The following SCNN1D variants were observed in gnomAD, a reference collection of about 807,000 sequenced individuals.
SCNN1D encodes sodium channel epithelial 1 subunit delta.
A neutral mutation model predicts 87.8 loss-of-function variants in SCNN1D; 104 were observed. The observed-to-expected ratio is 1.18, with a 90% CI of 1.01 to 1.39. The LOEUF is 1.39. Among genes scored for constraint, SCNN1D ranks in the 40% most tolerant of loss-of-function variants. SCNN1D has a pLI of 0.00. For synonymous variants in SCNN1D, 628 were observed against 481.2 expected, an observed-to-expected ratio of 1.31 and a Z score of -3.99; for missense variants, 1,324 against 1,093.9, an observed-to-expected ratio of 1.21 and a Z score of -2.97.
Position 1,284,017 on chromosome 1 carries a change from C to A in SCNN1D, c.391C>A (p.Pro131Thr). The A allele has an allele frequency of 7.0e-7, 1 of 1,435,400 alleles. No homozygotes were observed. Among genetic ancestry groups the A allele is most frequent in the Middle Eastern group, 1.8e-4 (1 of 5,700 alleles). The allele number at this position is 1,435,400 out of a possible 1,614,324, so 88.9% of individuals were successfully genotyped here. A position where few individuals can be genotyped will look rare whatever the true frequency, so the allele number is the denominator to read the frequency against. Residue 131 changes from proline to threonine, a missense_variant, in exon 5 of 18, where the codon CCC (proline) becomes ACC (threonine). Transcript: ENST00000379116. The part of the protein sequence containing the change: ...GSILLQSCQL[P>T]PQWLSTEAWT... Reference sequence around the variant, plus strand: ...CATCCTGCTTCAGAGCTGCCAGCTGCCCCCGCAATGGCTGAGCACCGAAGC... The same window carrying A: ...CATCCTGCTTCAGAGCTGCCAGCTGACCCCGCAATGGCTGAGCACCGAAGC...
Position 1,291,117 on chromosome 1 carries a change from G to GT in SCNN1D, c.2030dup (p.Glu678GlyfsTer88). On this transcript the variant is annotated frameshift_variant, in exon 17 of 18. Coordinates refer to ENST00000379116, the MANE Select transcript of SCNN1D (RefSeq NM_001130413.4). LOFTEE classifies it low-confidence loss of function (END_TRUNC). The stretch of plus-strand genomic sequence containing the variant: ...CTACCAGGAGCTCAACTACCGCTCA[G>GT]TGGAGGAGGCGCCCGTGTACTCGGT... 1 of 1,612,290 alleles carries GT rather than the reference G, an allele frequency of 6.2e-7. No individual in the cohort carries two copies.
At chr1:1,286,656 C>T (rs1640597882) in intron 7 of SCNN1D, 112 bp from the exon 8 acceptor site, 1 of 1,054,298 alleles carries the variant, frequency 9.5e-7, no homozygotes, top group Admixed American at 2.3e-5. Flanking sequence ...GCTCACCCCA[C>T]TGGGCGTCCC....
At chr1:1,285,796 C>T (rs1640575383) in intron 6 of SCNN1D, 130 bp from the exon 7 acceptor site, 3 of 1,190,544 alleles carry the variant, frequency 2.5e-6, no homozygotes, top group African/African-American at 1.6e-5. Flanking sequence ...TCAGAGCACC[C>T]TGGGAGGGGC....
chr1:1,283,924 G>C (rs1640518469), intron 4 of SCNN1D, 54 bp from the exon 5 acceptor site: 1 of 1,082,558 alleles, frequency 9.2e-7, no homozygotes, highest in East Asian at 3.5e-5. Context: ...GCCCTGGCTG[G>C]GTCCTCCCTC....
chr1:1,287,277 G>A lies in SCNN1D; in HGVS notation c.1288G>A (p.Asp430Asn), dbSNP rs140170231. The A allele has an allele frequency of 1.8e-3, 2,902 of 1,602,150 alleles. 9 individuals are homozygous for A. Among genetic ancestry groups the A allele is most frequent in the Middle Eastern group, 5.3e-3 (32 of 6,002 alleles). Reference protein sequence around the residue: ...DGHFVLSCSYDGLDCQARQFR... With the variant: ...DGHFVLSCSYNGLDCQARQFR... ...CCACTTCGTCCTCTCCTGCAGTTACGATGGCCTGGACTGCCAGGCCCGGTG... is the reference window on the plus strand; with the variant it reads ...CCACTTCGTCCTCTCCTGCAGTTACAATGGCCTGGACTGCCAGGCCCGGTG... The change falls in exon 9 of 18, where the codon GAT becomes AAT. Residue 430 changes from aspartate (D) to asparagine (N), a missense_variant. By Grantham distance (23) the Asp-to-Asn change is conservative (BLOSUM62 1). Transcript: ENST00000379116.
chr1:1,284,635 G>A (rs938286308), intron 5 of SCNN1D, among the ~76,000 whole-genome samples: 1 of 151,900 alleles, frequency 6.6e-6, no homozygotes, highest in Non-Finnish European at 1.5e-5. Flanking sequence ...GACCACTGGG[G>A]GTGCACAGTG....
Position 1,291,679 on chromosome 1 carries a change from A to T in SCNN1D, c.*69A>T. ...CAGCTGTGGCAGCAGCAGGCTCCCC[A>T]GCGGCCCAGGGTGGGCCAGACCAGC... On this transcript the variant is annotated 3_prime_UTR_variant, in exon 18 of 18. Transcript: ENST00000379116. 7.7e-7 allele frequency: 1 copy of T among 1,291,686 alleles called. No homozygotes were observed. The highest frequency in any genetic ancestry group is 1.0e-6 in the Non-Finnish European group (1 of 953,496). 80.0% of individuals were successfully genotyped at this position (1,291,686 alleles called of 1,614,324 possible).
intron 7 of SCNN1D, 68 bp downstream of exon 7, chr1:1,286,346 C>G (rs566269402): frequency 1.5e-6 from 2 of 1,293,374 alleles, no homozygotes; most frequent in African/African-American, 1.5e-5. Flanking sequence ...CCGTCTCTAA[C>G]CGAAGCCCCA....
At chr1:1,290,027 T>TGCTCCGTCCCGTGTCC in intron 12 of SCNN1D, among the ~76,000 whole-genome samples, 1 of 66,108 alleles carries the variant, frequency 1.5e-5, no homozygotes, top group Non-Finnish European at 2.6e-5. Context: ...GTCCCGTGTC[T>TGCTCCGTCCCGTGTCC]CTGCTCCGTC....
At chr1:1,280,752 C>A in intron 1 of SCNN1D, 86 bp downstream of exon 1, 1 of 689,640 alleles carries the variant, frequency 1.5e-6, no homozygotes, top group South Asian at 1.5e-5. Context: ...GGGGTCCATC[C>A]AGACAGTTCA....
Position 1,291,482 on chromosome 1 carries a change from G to A in SCNN1D, c.2281G>A (p.Gly761Ser), listed in dbSNP as rs142391132. 1.0e-4 allele frequency: 161 copies of A among 1,609,404 alleles called. No homozygotes were observed. Among genetic ancestry groups the A allele is most frequent in the African/African-American group, 4.9e-4 (37 of 74,990 alleles). The stretch of plus-strand genomic sequence containing the variant: ...CAGTCAGATGCCCCCGCCTGCAGGC[G>A]GCACGTCAGATGACCCGGAGCCCAG... Reference protein sequence around the residue: ...EASQMPPPAGGTSDDPEPSGP... With the variant: ...EASQMPPPAGSTSDDPEPSGP... Residue 761 changes from glycine (G) to serine (S), a missense_variant, in exon 18 of 18, where the codon GGC (glycine) becomes AGC (serine). Gly to Ser is a moderately conservative substitution (Grantham distance 56). Transcript: ENST00000379116.
At position 1,290,961 on chromosome 1, in the gene SCNN1D, C is replaced by T. The variant is rs1640790670; in HGVS notation, c.1976+8C>T. On this transcript the variant is annotated splice_region_variant and intron_variant, in intron 16 of 17. Coordinates refer to ENST00000379116, the MANE Select transcript of SCNN1D (RefSeq NM_001130413.4). ...TCAGAGCCACAGACAGAGGTGGGTG[C>T]ACCCTCCCCCTCCAGAGAGGCATCA... 5.6e-6 allele frequency: 9 copies of T among 1,603,948 alleles called. No homozygotes were observed. The highest frequency in any genetic ancestry group is 7.7e-6 in the Non-Finnish European group (9 of 1,175,692).
At position 1,285,491 on chromosome 1, in the gene SCNN1D, G is replaced by A. The variant is rs971553689; in HGVS notation, c.465-80G>A. The A allele has an allele frequency of 4.1e-6, 4 of 983,554 alleles. No individual in the cohort carries two copies. In the Admixed American group the frequency reaches 9.2e-5, roughly 23 times the overall value. The allele number at this position is 983,554 out of a possible 1,614,324, so 60.9% of individuals were successfully genotyped here. On this transcript the variant is annotated intron_variant, in intron 5 of 17. Coordinates refer to ENST00000379116, the MANE Select transcript of SCNN1D (RefSeq NM_001130413.4). The stretch of plus-strand genomic sequence containing the variant: ...GCTGGGGTGGGTGCAGCCATCAGGG[G>A]CAAGAAGGGCAAGTCTTCCCCTGAG...
At chr1:1,282,567 C>T (rs1281620971) in intron 4 of SCNN1D, among the ~76,000 whole-genome samples, 3 of 148,636 alleles carry the variant, frequency 2.0e-5, no homozygotes, top group Non-Finnish European at 4.4e-5. Flanking sequence ...TCCACACAAC[C>T]GCACTGGGGC....
At position 1,291,104 on chromosome 1, in the gene SCNN1D, C is replaced by A. The variant is rs893337552; in HGVS notation, c.2016C>A (p.Leu672=). Residue 672 remains leucine, a synonymous_variant, in exon 17 of 18, where the codon CTC becomes CTA. Transcript: ENST00000379116. ...LAKINIVYQE[L]NYRSVEEAPV... ...AAATCAACATCGTCTACCAGGAGCT[C>A]AACTACCGCTCAGTGGAGGAGGCGC... 9 of 1,612,276 alleles carry A rather than the reference C, an allele frequency of 5.6e-6. No individual in the cohort carries two copies. Among genetic ancestry groups the A allele is most frequent in the Non-Finnish European group, 7.6e-6 (9 of 1,179,824 alleles).
intron 12 of SCNN1D, among the ~76,000 whole-genome samples, chr1:1,289,774 TCTGCTCCGTCCCCCGTGTCC>T (rs2100343500): frequency 1.9e-4 from 1 of 5,216 alleles, no homozygotes; most frequent in Admixed American, 1.8e-3. Flanking sequence ...GTCCCGTGTC[TCTGCTCCGTCCCCCGTGTCC>T]CTGCTCCGTC....
chr1:1,290,038 CCGTGTCCCTGCTCCGT>C (rs1292423159), intron 12 of SCNN1D, among the ~76,000 whole-genome samples: 12 of 99,740 alleles, frequency 1.2e-4, no homozygotes, highest in Non-Finnish European at 5.4e-5. Flanking sequence ...CTGCTCCGTC[CCGTGTCCCTGCTCCGT>C]CCCGTGTCTC....
chr1:1,282,362 C>G, intron 4 of SCNN1D, 47 bp downstream of exon 4: 1 of 1,544,830 alleles, frequency 6.5e-7, no homozygotes, highest in Middle Eastern at 1.9e-4. Context: ...CTGCTGGACC[C>G]TGTGGGGCTG....
chr1:1,291,477 C>G lies in SCNN1D; in HGVS notation c.2276C>G (p.Ala759Gly). Reference protein sequence around the residue: ...KPEASQMPPPAGGTSDDPEPS... With the variant: ...KPEASQMPPPGGGTSDDPEPS... ...GAGGCCAGTCAGATGCCCCCGCCTG[C>G]AGGCGGCACGTCAGATGACCCGGAG... Residue 759 changes from alanine to glycine, a missense_variant, in exon 18 of 18, where the codon GCA (alanine) becomes GGA (glycine). Physicochemically the swap from Ala to Gly is moderately conservative, Grantham distance 60. Transcript: ENST00000379116. The G allele has an allele frequency of 1.2e-6, 2 of 1,609,138 alleles. No homozygotes were observed. Among genetic ancestry groups the G allele is most frequent in the Non-Finnish European group, 1.7e-6 (2 of 1,177,732 alleles).
Sources: gnomAD v4.1 joint callset for allele counts (sites outside exome capture counted in the v4.1 genomes callset) on GRCh38, gnomAD v4.1.1 for gene constraint, MANE v1.5 for transcripts, NCBI Gene and HGNC (gene_info 2026-07-23, HGNC 2026-07-21) for gene names.